The following ACSM3 variants were observed in gnomAD, a reference collection of about 807,000 sequenced individuals.
ACSM3 encodes the protein acyl-CoA synthetase medium chain family member 3.
Under a neutral mutation model 74.1 loss-of-function variants are expected in ACSM3, and 61 were observed. The ratio of observed to expected loss-of-function variants is 0.82; its 90% CI spans 0.67 to 1.02. The LOEUF (loss-of-function observed/expected upper bound fraction) is 1.02, where lower values mean the gene tolerates loss of function less well. ACSM3 is among the 50% of genes least tolerant of loss of function. ACSM3 has a pLI of 0.00. For synonymous variants in ACSM3, 213 were observed against 241.5 expected (o/e 0.88, Z 1.09); for missense variants, 660 against 697.0 (o/e 0.95, Z 0.60).
intron 1 of ACSM3, chr16:20,682,306 C>T (rs893730087): frequency 3.7e-6 from 6 of 1,613,836 alleles, no homozygotes; most frequent in Non-Finnish European, 2.5e-6. Flanking sequence ...GATCAGACAC[C>T]AGGAGCTTGG....
intron 1 of ACSM3, chr16:20,718,450 C>T: frequency 1.8e-6 from 1 of 553,096 alleles, no homozygotes; most frequent in Non-Finnish European, 2.8e-6. Flanking sequence ...GATGGCCCAG[C>T]ACTCTCAGAG....
chr16:20,685,404 C>A, intron 1 of ACSM3: 1 of 1,613,658 alleles, frequency 6.2e-7, no homozygotes. Context: ...TCTTGCCCTC[C>A]TGGTCAAGAC....
intron 1 of ACSM3, among the ~76,000 whole-genome samples, chr16:20,742,292 T>TC (rs2079934396): frequency 6.6e-6 from 1 of 152,190 alleles, no homozygotes; most frequent in Non-Finnish European, 1.5e-5. Flanking sequence ...AAGTTGACCT[T>TC]TATGTGTTCC....
At chr16:20,685,207 C>A (rs1305749036) in intron 1 of ACSM3, 12 of 1,614,154 alleles carry the variant, frequency 7.4e-6, no homozygotes, top group Non-Finnish European at 1.0e-5. Flanking sequence ...TCGCATGCAG[C>A]CCACAGCCAC....
chr16:20,796,265 G>A, intron 12 of ACSM3, 105 bp from the exon 13 acceptor site: 1 of 1,500,450 alleles, frequency 6.7e-7, no homozygotes, highest in Non-Finnish European at 8.9e-7. Context: ...AAAACACACT[G>A]GCCCACCCCA....
intron 1 of ACSM3, among the ~76,000 whole-genome samples, chr16:20,766,970 A>G (rs1014901134): frequency 6.6e-6 from 1 of 152,162 alleles, no homozygotes; most frequent in African/African-American, 2.4e-5. Flanking sequence ...AGTAGAAATA[A>G]TAATAGTGGT....
chr16:20,689,058 A>G (rs2152331697), intron 1 of ACSM3, among the ~76,000 whole-genome samples: 1 of 150,186 alleles, frequency 6.7e-6, no homozygotes, highest in East Asian at 1.9e-4. Flanking sequence ...ATGTTAATTA[A>G]GCAATATACA....
chr16:20,741,863 C>T (rs531512566), intron 1 of ACSM3: 3 of 1,535,614 alleles, frequency 2.0e-6, no homozygotes, highest in Admixed American at 2.0e-5. Context: ...GCCTCGAAGC[C>T]TCATTCCGTG....
rs867520261 is a variant in ACSM3 at position 20,685,828 on chromosome 16, A to C, written c.-190+11006A>C. 1.6e-4 allele frequency among the ~76,000 whole-genome samples: 17 copies of C among 107,338 alleles called. 2 individuals carry two copies. Among genetic ancestry groups the C allele is most frequent in the Non-Finnish European group, 3.2e-4 (15 of 46,582 alleles). The allele number at this position is 107,338 out of a possible 152,430, so 70.4% of individuals were successfully genotyped here. ...CAGTGAGACTCCGTCTCAAAAAAAAAAAACAAACAAAAAAAAAACAAAAAA... is the reference window on the plus strand; with the variant it reads ...CAGTGAGACTCCGTCTCAAAAAAAACAAACAAACAAAAAAAAAACAAAAAA... On this transcript the variant is annotated intron_variant, in intron 1 of 3. Transcript: ENST00000561584.
intron 1 of ACSM3, chr16:20,733,634 A>G (rs770337957): frequency 3.9e-5 from 6 of 152,014 alleles, no homozygotes; most frequent in Non-Finnish European, 7.4e-5. Flanking sequence ...ACTAAGAGTC[A>G]GAAAGAAAGA....
rs572439800 is a variant in ACSM3, at chr16:20,705,116, T to C, written c.-190+30294T>C. Reference sequence around the variant, plus strand: ...GGCCAGGTGCGGTGGCTCACGCCTGTAATCCCAGCACTTTGGGAGGCCGAG... The same window carrying C: ...GGCCAGGTGCGGTGGCTCACGCCTGCAATCCCAGCACTTTGGGAGGCCGAG... On this transcript the variant is annotated intron_variant, in intron 1 of 3. Transcript: ENST00000561584. Among the ~76,000 whole-genome samples the C allele has an allele frequency of 1.5e-4, 23 of 152,304 alleles. No individual in the cohort carries two copies. In the South Asian group the frequency reaches 3.7e-3, roughly 25 times the overall value.
chr16:20,700,819 A>G (rs1163490267), intron 1 of ACSM3, among the ~76,000 whole-genome samples: 1 of 152,156 alleles, frequency 6.6e-6, no homozygotes, highest in Non-Finnish European at 1.5e-5. Flanking sequence ...TCAGAAAAAG[A>G]GGTCAGATTT....
At chr16:20,736,643 T>TA in intron 1 of ACSM3, 1 of 475,330 alleles carries the variant, frequency 2.1e-6, no homozygotes, top group Non-Finnish European at 3.7e-6. Flanking sequence ...ATCCCCCTCC[T>TA]ATCCTCCCCT....
intron 1 of ACSM3, among the ~76,000 whole-genome samples, chr16:20,688,757 A>G (rs1442893211): frequency 6.6e-6 from 1 of 152,048 alleles, no homozygotes; most frequent in Non-Finnish European, 1.5e-5. Flanking sequence ...TGCCCCTACA[A>G]GAAATGCTAA....
chr16:20,753,123 T>C (rs2080000994), intron 2 of ACSM3, among the ~76,000 whole-genome samples: 1 of 151,838 alleles, frequency 6.6e-6, no homozygotes, highest in African/African-American at 2.4e-5. Flanking sequence ...TTGCCCTTGT[T>C]TGGACACTGA....
intron 1 of ACSM3, among the ~76,000 whole-genome samples, chr16:20,737,458 TACA>T (rs2079880736): frequency 6.6e-6 from 1 of 152,302 alleles, no homozygotes; most frequent in South Asian, 2.1e-4. Flanking sequence ...AATGAAACCC[TACA>T]ACATTTAATA....
chr16:20,715,004 G>A (rs80055566), intron 1 of ACSM3, among the ~76,000 whole-genome samples: 134 of 114,856 alleles, frequency 1.2e-3, no homozygotes, highest in African/African-American at 3.3e-3. Flanking sequence ...AAGATAGATA[G>A]ATAGGTAGAT....
At chr16:20,710,806 C>T (rs1038993229) in intron 1 of ACSM3, among the ~76,000 whole-genome samples, 1 of 151,992 alleles carries the variant, frequency 6.6e-6, no homozygotes, top group Admixed American at 6.6e-5. Context: ...TAATTTAGGT[C>T]GAGTGCAGTG....
At chr16:20,723,138 G>GT (rs1405036765) in intron 1 of ACSM3, among the ~76,000 whole-genome samples, 26 of 152,208 alleles carry the variant, frequency 1.7e-4, no homozygotes, top group Admixed American at 1.3e-3. Context: ...GCGGTGTTTG[G>GT]TTTTTTGTCC....
Sources: allele counts gnomAD v4.1 joint callset (sites outside exome capture counted in the v4.1 genomes callset), GRCh38; gene constraint gnomAD v4.1.1; transcripts MANE v1.5; gene names NCBI Gene and HGNC (gene_info 2026-07-23, HGNC 2026-07-21).